Variants in MYMK observed in about 807,000 individuals in gnomAD.
MYMK encodes the protein protein myomaker.
Under a neutral mutation model 22.4 loss-of-function variants are expected in MYMK, and 16 were observed. That is an observed-to-expected ratio of 0.72 (90% CI 0.48 to 1.09). The LOEUF (loss-of-function observed/expected upper bound fraction) is 1.09, where lower values mean the gene tolerates loss of function less well. Among genes scored for constraint, MYMK ranks in the 50% least tolerant of loss-of-function variants. The pLI is 0.00. For missense variants in MYMK, 250 were observed against 295.6 expected (o/e 0.85, Z 1.13); for synonymous variants, 125 against 127.0 (o/e 0.98, Z 0.11).
rs958876350 is a variant in MYMK at position 133,518,815 on chromosome 9, C to T, written c.399+59G>A. On this transcript the variant is annotated intron_variant, in intron 3 of 4. Coordinates refer to ENST00000339996, the MANE Select transcript of MYMK (RefSeq NM_001080483.3). ...AAGATCCGAGGCAGGAGGAGTCAGA[C>T]AGGGGAGAGGTGACGGGCCTCCTGG... 8 of 1,566,450 alleles carry T rather than the reference C, an allele frequency of 5.1e-6. No homozygotes were observed. In the Admixed American group the frequency reaches 1.2e-4, roughly 24 times the overall value.
At position 133,515,404 on chromosome 9, in the gene MYMK, C is replaced by G. The variant is rs929523340; in HGVS notation, c.516+87G>C. On this transcript the variant is annotated intron_variant, in intron 4 of 4. Transcript: ENST00000339996. This position sits in a 1 kb window ranked among gnomAD's most constrained non-coding sequence, Gnocchi z 5.8. ...CCTGGGGCTGTCAGAGTCCCCCCAG[C>G]GTGGGCACAGCCCTGGTATCCCAGC... The G allele has an allele frequency of 2.2e-6, 2 of 906,502 alleles. No homozygotes were observed. Among genetic ancestry groups the G allele is most frequent in the Admixed American group, 4.0e-5 (2 of 49,788 alleles). The allele number at this position is 906,502 out of a possible 1,614,324, so 56.2% of individuals were successfully genotyped here. A position where few individuals can be genotyped will look rare whatever the true frequency, so the allele number is the denominator to read the frequency against.
At chr9:133,524,462 G>C (rs35863521) in intron 1 of MYMK, among the ~76,000 whole-genome samples, 1 of 152,176 alleles carries the variant, frequency 6.6e-6, no homozygotes, top group Non-Finnish European at 1.5e-5. Flanking sequence ...CTTCACCCCA[G>C]GCTTGGTCTC....
chr9:133,520,158 G>C lies in MYMK; in HGVS notation c.250+16C>G, dbSNP rs1439714424. ...TCCTTGTCCGCAAGGCTTGTCTGCA[G>C]GGGTTGACCACTCACCCATCAGCGA... On this transcript the variant is annotated intron_variant, in intron 2 of 4. Transcript: ENST00000339996. 2 of 1,601,258 alleles carry C rather than the reference G, an allele frequency of 1.2e-6. No homozygotes were observed. The highest frequency in any genetic ancestry group is 2.2e-5 in the South Asian group (2 of 90,820).
chr9:133,523,671 G>C (rs1438441786), intron 1 of MYMK, among the ~76,000 whole-genome samples: 1 of 146,406 alleles, frequency 6.8e-6, no homozygotes, highest in African/African-American at 2.5e-5. Flanking sequence ...TGCGTAGATA[G>C]AGAGATAGAT....
intron 2 of MYMK, among the ~76,000 whole-genome samples, chr9:133,519,873 G>A (rs907753001): frequency 6.6e-6 from 1 of 152,212 alleles, no homozygotes; most frequent in African/African-American, 2.4e-5. Flanking sequence ...AGGAGTGACG[G>A]GAGGGAGCCC....
chr9:133,518,175 C>T (rs549044438), intron 3 of MYMK, among the ~76,000 whole-genome samples: 1 of 152,326 alleles, frequency 6.6e-6, no homozygotes, highest in South Asian at 2.1e-4. Flanking sequence ...CTATTTTTCC[C>T]TAAGATCCCT....
rs1480599180 is a variant in MYMK, at chr9:133,514,653, A to G, written c.649T>C (p.Cys217Arg). Reference sequence around the variant, plus strand: ...GCGCAGCATCAGACACAAGCACAGCACAGGGTGGAGCAGTCCAGCTTGGCC... The same window carrying G: ...GCGCAGCATCAGACACAAGCACAGCGCAGGGTGGAGCAGTCCAGCTTGGCC... ...TPAKLDCSTLCCACV is the reference protein window; with the variant it reads ...TPAKLDCSTLRCACV Residue 217 changes from cysteine to arginine, a missense_variant, in exon 5 of 5, where the codon TGC (cysteine) becomes CGC (arginine). Cys to Arg is a radical substitution (Grantham distance 180). Transcript: ENST00000339996. 1 of 1,613,670 alleles carries G rather than the reference A, an allele frequency of 6.2e-7. No homozygotes were observed. Among genetic ancestry groups the G allele is most frequent in the Non-Finnish European group, 8.5e-7 (1 of 1,179,756 alleles).
intron 3 of MYMK, among the ~76,000 whole-genome samples, chr9:133,517,666 CAAA>C (rs140245731): frequency 5.1e-4 from 61 of 120,572 alleles, no homozygotes; most frequent in East Asian, 7.2e-4. Context: ...AACTCCGTCT[CAAA>C]AAAAAAAAAA....
At chr9:133,523,298 G>A (rs1440193230) in intron 1 of MYMK, among the ~76,000 whole-genome samples, 1 of 152,248 alleles carries the variant, frequency 6.6e-6, no homozygotes, top group Non-Finnish European at 1.5e-5. Context: ...CATGCACTTG[G>A]CATTCTTGCC....
chr9:133,519,016 G>C lies in MYMK; in HGVS notation c.257C>G (p.Ala86Gly). Residue 86 changes from alanine to glycine, a missense_variant, in exon 3 of 5, where the codon GCC becomes GGC. By Grantham distance (60) the Ala-to-Gly change is moderately conservative (BLOSUM62 0). Transcript: ENST00000339996. The stretch of plus-strand genomic sequence containing the variant: ...TGACCTCTTGGGTTCGTCGAAGTCG[G>C]CCAGTGCTGGAGGGGCCAGGGAGAC... ...LSMWVSLMAL[A>G]DFDEPKRSTF... 6.2e-7 allele frequency: 1 copy of C among 1,613,760 alleles called. No individual in the cohort carries two copies. The highest frequency in any genetic ancestry group is 1.1e-5 in the South Asian group (1 of 91,072).
chr9:133,523,107 G>A (rs924377257), intron 1 of MYMK, among the ~76,000 whole-genome samples: 11 of 152,230 alleles, frequency 7.2e-5, no homozygotes, highest in African/African-American at 2.7e-4. Context: ...ACCCCTGGGA[G>A]TGGCACACAC....
At chr9:133,521,670 GGTGGACATGACT>G (rs1844704647) in intron 1 of MYMK, among the ~76,000 whole-genome samples, 1 of 152,176 alleles carries the variant, frequency 6.6e-6, no homozygotes, top group African/African-American at 2.4e-5. Context: ...GGTGACCAGC[GGTGGACATGACT>G]GTTTACCTTG....
At position 133,524,929 on chromosome 9, in the gene MYMK, G is replaced by GC; in HGVS notation, c.-86dup. 3.4e-6 allele frequency: 5 copies of GC among 1,485,014 alleles called. No individual in the cohort carries two copies. The highest frequency in any genetic ancestry group is 4.5e-6 in the Non-Finnish European group (5 of 1,108,508). The allele number at this position is 1,485,014 out of a possible 1,614,324, so 92.0% of individuals were successfully genotyped here. ...ACAGGAGCACGAAGTGGGAAGGCCA[G>GC]CTCCCTTTGGGCAGGGCTCTGATGG... On this transcript the variant is annotated 5_prime_UTR_variant, in exon 1 of 5. Coordinates refer to ENST00000339996, the MANE Select transcript of MYMK (RefSeq NM_001080483.3).
chr9:133,523,833 G>A (rs1452088913), intron 1 of MYMK, among the ~76,000 whole-genome samples: 2 of 151,834 alleles, frequency 1.3e-5, no homozygotes, highest in Non-Finnish European at 2.9e-5. Flanking sequence ...CATGGGGATC[G>A]AGTTCCAGAA....
intron 3 of MYMK, among the ~76,000 whole-genome samples, chr9:133,517,392 G>A (rs931490211): frequency 1.3e-5 from 2 of 152,190 alleles, no homozygotes; most frequent in African/African-American, 2.4e-5. Flanking sequence ...CCAGCCAGGC[G>A]TGGTGGCTCA....
intron 1 of MYMK, 65 bp from the exon 2 acceptor site, chr9:133,520,353 C>T: frequency 1.5e-6 from 2 of 1,303,968 alleles, no homozygotes; most frequent in Non-Finnish European, 2.2e-6. Flanking sequence ...AGCCACGGCC[C>T]CCAGAGTGCC....
At chr9:133,519,060 TCTCTCTTG>T (rs536499076) in intron 2 of MYMK, 38 bp from the exon 3 acceptor site, 3 of 1,610,210 alleles carry the variant, frequency 1.9e-6, no homozygotes, top group Non-Finnish European at 2.5e-6. Context: ...AGGTGAGTGG[TCTCTCTTG>T]CTCCTCCTGG....
chr9:133,518,602 C>T (rs898718140), intron 3 of MYMK, among the ~76,000 whole-genome samples: 18 of 152,216 alleles, frequency 1.2e-4, no homozygotes, highest in African/African-American at 2.4e-5. Context: ...GCTGTAATGA[C>T]AACACCTGCT....
chr9:133,518,962 A>G lies in MYMK; in HGVS notation c.311T>C (p.Ile104Thr). 6.2e-7 allele frequency: 1 copy of G among 1,613,960 alleles called. No individual in the cohort carries two copies. The highest frequency in any genetic ancestry group is 1.1e-5 in the South Asian group (1 of 91,054). The change falls in exon 3 of 5, where the codon ATT (isoleucine) becomes ACT (threonine). Residue 104 changes from isoleucine to threonine, a missense_variant. Coordinates refer to ENST00000339996, the MANE Select transcript of MYMK (RefSeq NM_001080483.3). ...TCGGTCATGGTAGATCCGCACAGCA[A>G]TGGTCAGGACGCCGAACATCACAAA... is the stretch of plus-strand genomic sequence containing the variant. ...STFVMFGVLT[I>T]AVRIYHDRWG...
Sources: allele counts gnomAD v4.1 joint callset (sites outside exome capture counted in the v4.1 genomes callset), GRCh38; gene constraint gnomAD v4.1.1; non-coding constraint Gnocchi (gnomAD v3.1); transcripts MANE v1.5; gene names NCBI Gene and HGNC (gene_info 2026-07-23, HGNC 2026-07-21).